Variants in LPIN2 observed in about 807,000 individuals in gnomAD.
LPIN2 encodes lipin 2, also known as phosphatidate phosphatase LPIN2.
In LPIN2, 55 loss-of-function variants were observed where a neutral mutation model predicts 111.4. The ratio of observed to expected loss-of-function variants is 0.49; its 90% CI spans 0.40 to 0.62. The LOEUF (loss-of-function observed/expected upper bound fraction) is 0.62, where lower values mean the gene tolerates loss of function less well. LPIN2 is among the 20% of genes least tolerant of loss of function. LPIN2 has a pLI of 0.00. For missense variants in LPIN2, 992 were observed against 1,112.1 expected (o/e 0.89, Z 1.54); for synonymous variants, 425 against 414.0 (o/e 1.03, Z -0.32).
At chr18:2,959,829 C>T (rs1169297497) in intron 2 of LPIN2, among the ~76,000 whole-genome samples, 1 of 151,716 alleles carries the variant, frequency 6.6e-6, no homozygotes, top group East Asian at 1.9e-4. Flanking sequence ...ACAGCTTTGT[C>T]AAAACAAACA....
intron 1 of LPIN2, among the ~76,000 whole-genome samples, chr18:2,981,847 G>C (rs548678706): frequency 1.3e-5 from 2 of 152,178 alleles, no homozygotes; most frequent in African/African-American, 2.4e-5. Context: ...CTAAAATCAA[G>C]TTATGAGCCA....
intron 1 of LPIN2, among the ~76,000 whole-genome samples, chr18:2,964,028 T>A (rs2077750541): frequency 6.6e-6 from 1 of 151,972 alleles, no homozygotes; most frequent in African/African-American, 2.4e-5. Context: ...ACGCCTGTAA[T>A]CCCAGCACTC....
intron 18 of LPIN2, chr18:2,921,167 G>A: frequency 1.8e-6 from 1 of 555,468 alleles, no homozygotes; most frequent in Non-Finnish European, 3.2e-6. Flanking sequence ...CGATGGCCCT[G>A]CAGAAGGGAG....
intron 17 of LPIN2, 129 bp from the exon 18 acceptor site, chr18:2,921,776 CCTT>C (rs1242253131): frequency 1.9e-5 from 15 of 804,144 alleles, no homozygotes; most frequent in African/African-American, 5.2e-5. Context: ...CTTTCCTTCT[CCTT>C]CTTTGCCAGT....
intron 17 of LPIN2, 162 bp from the exon 18 acceptor site, chr18:2,921,809 G>C (rs1170698814): frequency 2.6e-6 from 2 of 763,076 alleles, no homozygotes; most frequent in Non-Finnish European, 4.3e-6. Flanking sequence ...AAGAAAATTT[G>C]AGTGATGAAG....
intron 1 of LPIN2, among the ~76,000 whole-genome samples, chr18:2,968,440 TAAAC>T (rs1050272718): frequency 1.5e-4 from 23 of 152,280 alleles, no homozygotes; most frequent in African/African-American, 4.1e-4. Flanking sequence ...CTTATGAAGA[TAAAC>T]AAAATTCTGC....
intron 1 of LPIN2, among the ~76,000 whole-genome samples, chr18:2,962,202 C>T (rs938883958): frequency 1.3e-5 from 2 of 151,812 alleles, no homozygotes; most frequent in Non-Finnish European, 2.9e-5. Flanking sequence ...CAAGGCCCAT[C>T]AGTTCTACAC....
intron 1 of LPIN2, among the ~76,000 whole-genome samples, chr18:3,007,015 A>G (rs1330213949): frequency 6.6e-6 from 1 of 150,614 alleles, no homozygotes. Flanking sequence ...AAAAAAAAAA[A>G]CAGCATTTGT....
chr18:2,931,318 T>C lies in LPIN2; in HGVS notation c.1394A>G (p.Asp465Gly), dbSNP rs915870050. The change falls in exon 9 of 20, where the codon GAC (aspartate) becomes GGC (glycine). Residue 465 changes from aspartate (D) to glycine (G), a missense_variant. Around this residue, in one of 4 missense-constraint regions of LPIN2, gnomAD observed 709 missense variants for 753.2 expected, o/e 0.94. Coordinates refer to ENST00000677752, the MANE Select transcript of LPIN2 (RefSeq NM_001375808.2). The stretch of plus-strand genomic sequence containing the variant: ...AAGGGAGAGGGTAACGTCAGGCAAG[T>C]CCATGGCAGAATCTGAGAGGCACTC... ...GTECLSDSAM[D>G]LPDVTLSLCG... 2 of 1,614,052 alleles carry C rather than the reference T, an allele frequency of 1.2e-6. No homozygotes were observed. The highest frequency in any genetic ancestry group is 2.7e-5 in the African/African-American group (2 of 74,918).
rs77365636 is a variant in LPIN2, at chr18:2,946,586, G to A, written c.590+4469C>T. On this transcript the variant is annotated intron_variant, in intron 4 of 19. Coordinates refer to ENST00000677752, the MANE Select transcript of LPIN2 (RefSeq NM_001375808.2). ...GGCCCAAACACCGGGAACAGCAAGA[G>A]GATGCGTTAGCCAATCCCGTGTTGC... 406 of 984,508 alleles carry A rather than the reference G, an allele frequency of 4.1e-4. 4 individuals are homozygous for A. The African/African-American group carries it at 6.0e-3, about 14-fold the overall frequency. 61.0% of individuals were successfully genotyped at this position (984,508 alleles called of 1,614,324 possible).
intron 1 of LPIN2, among the ~76,000 whole-genome samples, chr18:2,971,347 G>T (rs911604384): frequency 1.3e-5 from 2 of 152,194 alleles, no homozygotes; most frequent in Non-Finnish European, 2.9e-5. Context: ...GATGATAGGG[G>T]AGGATGTGTG....
Position 2,960,713 on chromosome 18 carries a change from T to C in LPIN2, c.128A>G (p.Tyr43Cys), listed in dbSNP as rs771496330. The C allele has an allele frequency of 3.1e-6, 5 of 1,614,108 alleles. No homozygotes were observed. Among genetic ancestry groups the C allele is most frequent in the Non-Finnish European group, 4.2e-6 (5 of 1,180,018 alleles). The change falls in exon 2 of 20, where the codon TAT (tyrosine) becomes TGT (cysteine). Residue 43 changes from tyrosine to cysteine, a missense_variant. Transcript: ENST00000677752. ...VIVVQQQDGS[Y>C]QCSPFHVRFG... ...CCGAACGTGAAAAGGTGAACACTGATAGCTGCCATCCTGCTGCTGTACCAC... is the reference window on the plus strand; with the variant it reads ...CCGAACGTGAAAAGGTGAACACTGACAGCTGCCATCCTGCTGCTGTACCAC...
intron 1 of LPIN2, among the ~76,000 whole-genome samples, chr18:3,005,248 GC>G (rs1256295123): frequency 6.6e-6 from 1 of 151,842 alleles, no homozygotes; most frequent in Non-Finnish European, 1.5e-5. Context: ...TACTAGGGAA[GC>G]CAAGGCAGGA....
At position 2,925,843 on chromosome 18, in the gene LPIN2, G is replaced by A. The variant is rs1485719215; in HGVS notation, c.1794-475C>T. 2.0e-5 allele frequency among the ~76,000 whole-genome samples: 3 copies of A among 151,076 alleles called. No individual in the cohort carries two copies. The highest frequency in any genetic ancestry group is 6.6e-5 in the Admixed American group (1 of 15,160). ...CAACATAGGGAGACCCAGTTTCTAC[G>A]GAACATTTAAAAATTAGCCAGGGGT... On this transcript the variant is annotated intron_variant, in intron 13 of 19. Transcript: ENST00000677752. The surrounding 1 kb of genome is among the most constrained non-coding windows in gnomAD (Gnocchi z 4.1).
At chr18:2,920,502 G>T in intron 19 of LPIN2, 65 bp from the exon 20 acceptor site, 1 of 1,571,514 alleles carries the variant, frequency 6.4e-7, no homozygotes, top group Non-Finnish European at 8.7e-7. Flanking sequence ...GCACAAGATG[G>T]GGGGCTGTGA....
Position 2,925,070 on chromosome 18 carries a change from C to T in LPIN2, c.1938+154G>A, listed in dbSNP as rs1014485424. On this transcript the variant is annotated intron_variant, in intron 14 of 19. Transcript: ENST00000677752. The surrounding 1 kb of genome is among the most constrained non-coding windows in gnomAD (Gnocchi z 4.1). ...AGGTGGGCCTGATAGCTCTTGGGGGCGGCGGTCGTGGTTCCACTGTGGATA... is the reference window on the plus strand; with the variant it reads ...AGGTGGGCCTGATAGCTCTTGGGGGTGGCGGTCGTGGTTCCACTGTGGATA... Among the ~76,000 whole-genome samples, 33 of 152,058 alleles carry T rather than the reference C, an allele frequency of 2.2e-4. No homozygotes were observed. The highest frequency in any genetic ancestry group is 7.2e-4 in the African/African-American group (30 of 41,380).
chr18:2,995,942 A>G (rs1209057471), intron 1 of LPIN2, among the ~76,000 whole-genome samples: 1 of 152,190 alleles, frequency 6.6e-6, no homozygotes, highest in East Asian at 1.9e-4. Context: ...TCACAGTCAC[A>G]TTTTTTAAGC....
intron 1 of LPIN2, among the ~76,000 whole-genome samples, chr18:2,965,655 G>A (rs1784754): frequency 0.54 from 80,991 of 149,574 alleles, 22,605 homozygotes; most frequent in Non-Finnish European, 0.61. Flanking sequence ...GCTTGAACCC[G>A]GGAGGCAGAG....
At chr18:2,971,466 C>T (rs2077909655) in intron 1 of LPIN2, among the ~76,000 whole-genome samples, 1 of 152,162 alleles carries the variant, frequency 6.6e-6, no homozygotes. Context: ...GCGGCATGAA[C>T]ATTTAGGCTA....
Sources: allele counts gnomAD v4.1 joint callset (sites outside exome capture counted in the v4.1 genomes callset), GRCh38; gene constraint gnomAD v4.1.1; regional missense constraint gnomAD v4.1.1; non-coding constraint Gnocchi (gnomAD v3.1); transcripts MANE v1.5; gene names NCBI Gene and HGNC (gene_info 2026-07-23, HGNC 2026-07-21).